The following MSRA variants were observed in gnomAD, a reference collection of about 807,000 sequenced individuals.
MSRA encodes methionine sulfoxide reductase A.
MSRA carries 54 observed loss-of-function variants against 31.3 expected under a neutral mutation model. The observed-to-expected ratio is 1.73, with a 90% CI of 1.39 to 2.17. MSRA has a LOEUF of 2.17. MSRA is among the 30% of genes most tolerant of loss of function. The pLI, the probability that MSRA is intolerant of heterozygous loss-of-function variation, is 0.00. For synonymous variants in MSRA, 169 were observed against 116.5 expected, an observed-to-expected ratio of 1.45 and a Z score of -2.90; for missense variants, 507 against 300.9, an observed-to-expected ratio of 1.69 and a Z score of -5.07.
chr8:10,237,740 C>G (rs1386085667), intron 2 of MSRA, among the ~76,000 whole-genome samples: 1 of 152,234 alleles, frequency 6.6e-6, no homozygotes, highest in African/African-American at 2.4e-5. Context: ...CCCTCTCTTT[C>G]TCTCAAACTC....
chr8:10,140,546 A>G lies in MSRA; in HGVS notation c.143-67287A>G, dbSNP rs149092644. 6.6e-5 allele frequency among the ~76,000 whole-genome samples: 10 copies of G among 152,330 alleles called. No individual in the cohort carries two copies. In the East Asian group the frequency reaches 1.9e-3, roughly 29 times the overall value. On this transcript the variant is annotated intron_variant, in intron 1 of 5. Transcript: ENST00000317173. The stretch of plus-strand genomic sequence containing the variant: ...TAATAAATTCACGTTTTAGCATACC[A>G]AGGGCCTGATATTACAAGCAAATGA...
At chr8:10,141,008 C>A (rs960789333) in intron 1 of MSRA, among the ~76,000 whole-genome samples, 1 of 152,088 alleles carries the variant, frequency 6.6e-6, no homozygotes, top group African/African-American at 2.4e-5. Flanking sequence ...TTTTTGGGGG[C>A]TGTGCAAATA....
intron 1 of MSRA, among the ~76,000 whole-genome samples, chr8:10,119,134 T>A (rs751978871): frequency 6.6e-6 from 1 of 152,204 alleles, no homozygotes; most frequent in Non-Finnish European, 1.5e-5. Context: ...TTCTCATAGT[T>A]CATAGCTTGT....
chr8:10,310,243 A>G (rs1196476226), intron 4 of MSRA, among the ~76,000 whole-genome samples: 1 of 152,250 alleles, frequency 6.6e-6, no homozygotes, highest in African/African-American at 2.4e-5. Context: ...AGCTGCACAC[A>G]TATAAAATGC....
chr8:10,102,990 C>G (rs1420525998), intron 1 of MSRA, among the ~76,000 whole-genome samples: 2 of 152,238 alleles, frequency 1.3e-5, no homozygotes, highest in East Asian at 1.9e-4. Context: ...GTTACATTCT[C>G]AAATTAGGGA....
chr8:10,395,920 GT>G (rs1396912242), intron 5 of MSRA, among the ~76,000 whole-genome samples: 1 of 152,146 alleles, frequency 6.6e-6, no homozygotes, highest in Non-Finnish European at 1.5e-5. Context: ...ATTCACAAAG[GT>G]TCCAGTTTCT....
chr8:10,192,410 C>T (rs897579565), intron 1 of MSRA, among the ~76,000 whole-genome samples: 4 of 152,306 alleles, frequency 2.6e-5, no homozygotes, highest in Non-Finnish European at 4.4e-5. Context: ...GACCGCAGCC[C>T]AGCTGACACC....
intron 1 of MSRA, among the ~76,000 whole-genome samples, chr8:10,056,275 G>T (rs1802365501): frequency 6.8e-6 from 1 of 146,740 alleles, no homozygotes; most frequent in African/African-American, 2.5e-5. Context: ...TCAAGGTCAA[G>T]ATGGACCAAA....
intron 1 of MSRA, among the ~76,000 whole-genome samples, chr8:10,055,698 C>G (rs1802319731): frequency 2.6e-5 from 4 of 152,228 alleles, no homozygotes; most frequent in Admixed American, 2.0e-4. Context: ...AGAAATTCAG[C>G]ATTTAAAAAA....
chr8:10,134,514 A>G (rs1016639474), intron 1 of MSRA, among the ~76,000 whole-genome samples: 1 of 152,194 alleles, frequency 6.6e-6, no homozygotes. Flanking sequence ...TGTCTCACAT[A>G]CCAAGGCACT....
At chr8:10,183,822 G>C (rs1563192443) in intron 1 of MSRA, among the ~76,000 whole-genome samples, 1 of 151,698 alleles carries the variant, frequency 6.6e-6, no homozygotes, top group Non-Finnish European at 1.5e-5. Flanking sequence ...TGCTGCTGCT[G>C]CTGCTGCTGG....
chr8:10,324,326 G>C (rs889586659), intron 5 of MSRA, among the ~76,000 whole-genome samples: 1 of 152,194 alleles, frequency 6.6e-6, no homozygotes, highest in East Asian at 1.9e-4. Context: ...GAGCTTGTGC[G>C]TGTGTTTGCA....
At chr8:10,340,394 A>G (rs944054445) in intron 5 of MSRA, among the ~76,000 whole-genome samples, 18 of 152,230 alleles carry the variant, frequency 1.2e-4, no homozygotes, top group Non-Finnish European at 2.2e-4. Flanking sequence ...TCTATCTGAG[A>G]CAAAGTTTTC....
At chr8:10,104,906 G>C (rs1799779355) in intron 1 of MSRA, among the ~76,000 whole-genome samples, 1 of 152,150 alleles carries the variant, frequency 6.6e-6, no homozygotes, top group South Asian at 2.1e-4. Flanking sequence ...TCCTGTGCTA[G>C]AGTATCAATG....
intron 1 of MSRA, among the ~76,000 whole-genome samples, chr8:10,189,878 C>T (rs1023280600): frequency 2.0e-5 from 3 of 151,738 alleles, no homozygotes; most frequent in African/African-American, 4.8e-5. Flanking sequence ...TTTTTCAAGG[C>T]GTTTACATAG....
In MSRA at chr8:10,227,666, A is replaced by G. The variant is rs141680122; in HGVS notation, c.212-17438A>G. Among the ~76,000 whole-genome samples, 1,211 of 152,332 alleles carry G rather than the reference A, an allele frequency of 7.9e-3. 40 individuals are homozygous for G. The highest frequency in any genetic ancestry group is 5.0e-3 in the Non-Finnish European group (340 of 68,032). ...GGTACAGTGGAGTGTACACGTGCAT[A>G]TGAGCACATTTTAAATTAGGGAAGG... On this transcript the variant is annotated intron_variant, in intron 2 of 5. Coordinates refer to ENST00000317173, the MANE Select transcript of MSRA (RefSeq NM_012331.5).
At chr8:10,207,771 C>T in intron 1 of MSRA, 62 bp from the exon 2 acceptor site, 1 of 1,414,792 alleles carries the variant, frequency 7.1e-7, no homozygotes, top group South Asian at 1.3e-5. Context: ...CATTTAATGA[C>T]ATGTGTTAGT....
intron 1 of MSRA, among the ~76,000 whole-genome samples, chr8:10,200,193 G>A (rs1309415304): frequency 1.3e-5 from 2 of 152,236 alleles, no homozygotes; most frequent in Non-Finnish European, 2.9e-5. Context: ...GGGCCAGATG[G>A]TCGTGGAGGG....
At chr8:10,182,516 T>G (rs1477948063) in intron 1 of MSRA, among the ~76,000 whole-genome samples, 1 of 152,202 alleles carries the variant, frequency 6.6e-6, no homozygotes, top group Non-Finnish European at 1.5e-5. Context: ...AGGATCTGCT[T>G]CCAGGCTCAC....
Sources: gnomAD v4.1 joint callset for allele counts (sites outside exome capture counted in the v4.1 genomes callset) on GRCh38, gnomAD v4.1.1 for gene constraint, MANE v1.5 for transcripts, NCBI Gene and HGNC (gene_info 2026-07-23, HGNC 2026-07-21) for gene names.